Variants in NEDD4L observed in about 807,000 individuals in gnomAD.
NEDD4L encodes the protein E3 ubiquitin-protein ligase NEDD4-like.
In NEDD4L, 54 loss-of-function variants were observed where a neutral mutation model predicts 148.9. The observed-to-expected ratio is 0.36, with a 90% CI of 0.29 to 0.45. NEDD4L has a LOEUF of 0.45. Among genes scored for constraint, NEDD4L ranks in the 20% least tolerant of loss-of-function variants. The pLI, the probability that NEDD4L is intolerant of heterozygous loss-of-function variation, is 1.00. For missense variants in NEDD4L, 856 were observed against 1,233.8 expected (o/e 0.69, Z 4.59); for synonymous variants, 433 against 440.7 (o/e 0.98, Z 0.22).
At chr18:58,130,309 G>A (rs1471692737) in intron 1 of NEDD4L, among the ~76,000 whole-genome samples, 8 of 148,028 alleles carry the variant, frequency 5.4e-5, no homozygotes, top group African/African-American at 2.0e-4. Context: ...GTTGGGGTTT[G>A]GTTGTGAGTG....
chr18:58,198,381 G>T (rs292444), intron 2 of NEDD4L, among the ~76,000 whole-genome samples: 83,539 of 151,992 alleles, frequency 0.55, 24,363 homozygotes, highest in Non-Finnish European at 0.65. Flanking sequence ...AGAAGCTGGG[G>T]ACATCAGCCT....
chr18:58,367,530 A>G (rs1021265545), intron 21 of NEDD4L, among the ~76,000 whole-genome samples: 2 of 152,176 alleles, frequency 1.3e-5, no homozygotes, highest in African/African-American at 4.8e-5. Flanking sequence ...AGCGTCTCTT[A>G]TGGTTTAATT....
chr18:58,351,155 TG>T, intron 18 of NEDD4L, 110 bp downstream of exon 18: 13 of 1,526,846 alleles, frequency 8.5e-6, no homozygotes, highest in Non-Finnish European at 1.1e-5. Context: ...GGCAGCCAGG[TG>T]TTATGTGGAG....
intron 1 of NEDD4L, among the ~76,000 whole-genome samples, chr18:58,125,443 C>G (rs907788864): frequency 6.6e-6 from 1 of 152,082 alleles, no homozygotes; most frequent in African/African-American, 2.4e-5. Context: ...TGGCCACCCC[C>G]TTCTTTGTTC....
intron 5 of NEDD4L, among the ~76,000 whole-genome samples, chr18:58,313,059 G>T (rs1048574322): frequency 2.0e-5 from 3 of 152,158 alleles, no homozygotes; most frequent in African/African-American, 7.2e-5. Flanking sequence ...TAGCAGCAAT[G>T]GGATGCTTTG....
intron 2 of NEDD4L, 100 bp from the exon 3 acceptor site, chr18:58,245,327 C>A: frequency 1.6e-6 from 1 of 610,750 alleles, no homozygotes; most frequent in South Asian, 2.3e-5. Flanking sequence ...ATAATACAAG[C>A]TGAGACTTTA....
At chr18:58,216,614 A>G (rs571327204) in intron 2 of NEDD4L, among the ~76,000 whole-genome samples, 1 of 152,328 alleles carries the variant, frequency 6.6e-6, no homozygotes, top group East Asian at 1.9e-4. Context: ...AGGGAAGAGC[A>G]GAACTGAGGA....
At chr18:58,378,690 C>T (rs2047912447) in intron 24 of NEDD4L, among the ~76,000 whole-genome samples, 1 of 152,162 alleles carries the variant, frequency 6.6e-6, no homozygotes, top group Non-Finnish European at 1.5e-5. Flanking sequence ...CCGTGCCCTG[C>T]AGGATTTGTG....
intron 19 of NEDD4L, among the ~76,000 whole-genome samples, chr18:58,360,643 GA>G (rs2045339695): frequency 6.6e-6 from 1 of 151,884 alleles, no homozygotes; most frequent in Non-Finnish European, 1.5e-5. Flanking sequence ...GCCTCTTTGA[GA>G]TTATTCTATT....
chr18:58,117,595 G>A (rs1481841183), intron 1 of NEDD4L, among the ~76,000 whole-genome samples: 6 of 152,168 alleles, frequency 3.9e-5, no homozygotes, highest in Admixed American at 6.5e-5. Context: ...TGTAGCAAAC[G>A]TGGCTCACGG....
chr18:58,185,787 C>T (rs187855411), intron 2 of NEDD4L, among the ~76,000 whole-genome samples: 264 of 152,034 alleles, frequency 1.7e-3, no homozygotes, highest in African/African-American at 5.6e-3. Context: ...GCAGGAGAAC[C>T]GCTTGAACCC....
chr18:58,206,311 C>T (rs2041982435), intron 2 of NEDD4L, among the ~76,000 whole-genome samples: 1 of 152,120 alleles, frequency 6.6e-6, no homozygotes, highest in African/African-American at 2.4e-5. Flanking sequence ...ATCTATTGAA[C>T]CCAGGAGACA....
intron 23 of NEDD4L, among the ~76,000 whole-genome samples, chr18:58,372,830 C>CAAAAAAA (rs11318354): frequency 7.5e-6 from 1 of 132,788 alleles, no homozygotes; most frequent in African/African-American, 2.8e-5. Flanking sequence ...ATCTCAAAAA[C>CAAAAAAA]AAAAAAAAAA....
At chr18:58,077,585 C>T (rs2083236011) in intron 1 of NEDD4L, among the ~76,000 whole-genome samples, 1 of 151,982 alleles carries the variant, frequency 6.6e-6, no homozygotes, top group Non-Finnish European at 1.5e-5. Context: ...GATTAAATTC[C>T]AAGCGCCATG....
intron 8 of NEDD4L, 113 bp downstream of exon 8, chr18:58,323,447 AG>A: frequency 1.5e-6 from 1 of 658,048 alleles, no homozygotes; most frequent in Non-Finnish European, 2.7e-6. Flanking sequence ...TATAAAAAAA[AG>A]TACATATGTC....
intron 1 of NEDD4L, among the ~76,000 whole-genome samples, chr18:58,161,689 C>T (rs1394368675): frequency 6.6e-6 from 1 of 152,122 alleles, no homozygotes; most frequent in African/African-American, 2.4e-5. Flanking sequence ...GAAAAAGTCT[C>T]ATCTCCAGTT....
intron 5 of NEDD4L, among the ~76,000 whole-genome samples, chr18:58,274,358 G>T (rs1269168463): frequency 2.6e-5 from 4 of 152,296 alleles, no homozygotes; most frequent in East Asian, 3.9e-4. Context: ...GTCCTGGGAG[G>T]TTCGAACTTT....
chr18:58,159,908 T>A (rs548947005), intron 1 of NEDD4L, among the ~76,000 whole-genome samples: 3 of 152,212 alleles, frequency 2.0e-5, no homozygotes, highest in Non-Finnish European at 4.4e-5. Flanking sequence ...GACTTAGAAC[T>A]TATTGTCCGC....
chr18:58,144,070 C>G (rs2033844321), intron 1 of NEDD4L, among the ~76,000 whole-genome samples: 1 of 150,260 alleles, frequency 6.7e-6, no homozygotes, highest in Admixed American at 6.6e-5. Flanking sequence ...AACATTCTGC[C>G]ACACACATTA....
Sources: gnomAD v4.1 joint callset for allele counts (sites outside exome capture counted in the v4.1 genomes callset) on GRCh38, gnomAD v4.1.1 for gene constraint, MANE v1.5 for transcripts, NCBI Gene and HGNC (gene_info 2026-07-23, HGNC 2026-07-21) for gene names.